The following DLGAP4 variants were observed in gnomAD, a reference collection of about 807,000 sequenced individuals.
The protein encoded by DLGAP4 is DLG associated protein 4, also known as disks large-associated protein 4.
A neutral mutation model predicts 86.9 loss-of-function variants in DLGAP4; 18 were observed. The ratio of observed to expected loss-of-function variants is 0.21; its 90% CI spans 0.14 to 0.31. The LOEUF is 0.31. Among genes scored for constraint, DLGAP4 ranks in the 10% least tolerant of loss-of-function variants. The pLI, the probability that DLGAP4 is intolerant of heterozygous loss-of-function variation, is 1.00. For missense variants in DLGAP4, 1,085 were observed against 1,362.6 expected (o/e 0.80, Z 3.21); for synonymous variants, 548 against 574.3 (o/e 0.95, Z 0.65).
intron 4 of DLGAP4, among the ~76,000 whole-genome samples, chr20:36,436,761 A>C (rs1012082534): frequency 2.0e-5 from 3 of 151,240 alleles, no homozygotes; most frequent in African/African-American, 7.3e-5. Context: ...GATTGCAGTG[A>C]GCCGAGATCG....
At chr20:36,525,727 A>C (rs894872341) in intron 11 of DLGAP4, 124 bp from the exon 12 acceptor site, 1 of 1,287,896 alleles carries the variant, frequency 7.8e-7, no homozygotes, top group African/African-American at 1.5e-5. Context: ...TTACCCAGAC[A>C]CTAGGCCTCA....
intron 7 of DLGAP4, among the ~76,000 whole-genome samples, chr20:36,493,899 A>C (rs771006324): frequency 1.4e-4 from 22 of 152,214 alleles, no homozygotes; most frequent in Non-Finnish European, 5.9e-5. Flanking sequence ...TAAATGACCC[A>C]GCTTTTGGCC....
intron 7 of DLGAP4, among the ~76,000 whole-genome samples, chr20:36,469,708 G>A (rs929784507): frequency 1.3e-5 from 2 of 149,862 alleles, no homozygotes; most frequent in Non-Finnish European, 3.0e-5. Context: ...AGCCGAGATC[G>A]CGCCATTGCA....
At chr20:36,371,436 C>T (rs1318770330) in intron 2 of DLGAP4, among the ~76,000 whole-genome samples, 1 of 152,210 alleles carries the variant, frequency 6.6e-6, no homozygotes, top group African/African-American at 2.4e-5. Flanking sequence ...GGGAAATTAA[C>T]GTGGTGACAT....
At chr20:36,353,545 C>A (rs1555893602) in intron 1 of DLGAP4, among the ~76,000 whole-genome samples, 1 of 152,258 alleles carries the variant, frequency 6.6e-6, no homozygotes, top group Non-Finnish European at 1.5e-5. Flanking sequence ...AGAAGCATTT[C>A]TTGTAAGCAC....
chr20:36,359,582 A>G (rs1427399441), intron 1 of DLGAP4, among the ~76,000 whole-genome samples: 1 of 152,154 alleles, frequency 6.6e-6, no homozygotes, highest in Non-Finnish European at 1.5e-5. Flanking sequence ...AGCCTGAGGC[A>G]AAGGAACTTC....
At chr20:36,325,350 G>A (rs926120337) in intron 1 of DLGAP4, among the ~76,000 whole-genome samples, 2 of 152,284 alleles carry the variant, frequency 1.3e-5, no homozygotes, top group Admixed American at 6.5e-5. Flanking sequence ...CTTCTAAAAT[G>A]TATTGAGACT....
intron 6 of DLGAP4, among the ~76,000 whole-genome samples, chr20:36,444,957 TA>T (rs988153464): frequency 2.0e-5 from 3 of 152,006 alleles, no homozygotes; most frequent in Admixed American, 2.0e-4. Flanking sequence ...TTATTATTAT[TA>T]TTTTTTAATT....
chr20:36,422,142 G>A (rs1362530959), intron 2 of DLGAP4, among the ~76,000 whole-genome samples: 1 of 152,084 alleles, frequency 6.6e-6, no homozygotes, highest in Non-Finnish European at 1.5e-5. Flanking sequence ...GCAAGGCCCT[G>A]GAGGCCCCCA....
chr20:36,458,346 T>A (rs2033934627), intron 7 of DLGAP4, among the ~76,000 whole-genome samples: 4 of 115,578 alleles, frequency 3.5e-5, no homozygotes, highest in Admixed American at 3.2e-4. Flanking sequence ...CCCCATATCT[T>A]TTTTTTTTTT....
intron 7 of DLGAP4, chr20:36,473,193 T>G (rs1020014492): frequency 2.0e-5 from 3 of 152,260 alleles, no homozygotes; most frequent in Non-Finnish European, 2.9e-5. Context: ...GTGCCCTGTC[T>G]TTACCATGAA....
At chr20:36,517,179 G>T (rs1399363829) in intron 10 of DLGAP4, among the ~76,000 whole-genome samples, 2 of 151,802 alleles carry the variant, frequency 1.3e-5, no homozygotes, top group African/African-American at 4.8e-5. Flanking sequence ...AGGAGTTTGA[G>T]ACTAGCCTGG....
intron 1 of DLGAP4, among the ~76,000 whole-genome samples, chr20:36,332,604 G>C (rs991302089): frequency 6.6e-6 from 1 of 152,004 alleles, no homozygotes; most frequent in Middle Eastern, 3.2e-3. Flanking sequence ...TGGTCAGGCT[G>C]GTCTCAAACT....
chr20:36,521,085 G>A (rs1289881615), intron 10 of DLGAP4, among the ~76,000 whole-genome samples: 1 of 152,220 alleles, frequency 6.6e-6, no homozygotes, highest in African/African-American at 2.4e-5. Context: ...CTCCCAAAGT[G>A]CTGGGATTAC....
At chr20:36,502,971 C>T (rs906792088) in intron 10 of DLGAP4, among the ~76,000 whole-genome samples, 16 of 152,086 alleles carry the variant, frequency 1.1e-4, no homozygotes, top group African/African-American at 3.9e-4. Context: ...ATAATCCGCC[C>T]GGCTTGGCTT....
intron 2 of DLGAP4, among the ~76,000 whole-genome samples, chr20:36,420,235 G>T (rs771106702): frequency 1.5e-4 from 23 of 152,184 alleles, no homozygotes; most frequent in Admixed American, 1.3e-3. Flanking sequence ...TGCTGGAGAC[G>T]CAGTGGTGGC....
At chr20:36,390,825 C>A (rs1010048007) in intron 2 of DLGAP4, among the ~76,000 whole-genome samples, 12 of 151,934 alleles carry the variant, frequency 7.9e-5, no homozygotes, top group African/African-American at 2.9e-4. Flanking sequence ...GTCCCTGCCC[C>A]CAGACTGAGC....
chr20:36,384,839 G>A (rs1028983626), intron 2 of DLGAP4, among the ~76,000 whole-genome samples: 2 of 152,192 alleles, frequency 1.3e-5, no homozygotes, highest in African/African-American at 4.8e-5. Context: ...CCCATTTACT[G>A]TGTACCTACT....
At chr20:36,472,096 G>A (rs538583217) in intron 7 of DLGAP4, among the ~76,000 whole-genome samples, 9 of 152,144 alleles carry the variant, frequency 5.9e-5, no homozygotes, top group Admixed American at 2.0e-4. Flanking sequence ...GCCCAAAAAG[G>A]CTCCCCCAGC....
Sources: gnomAD v4.1 joint callset for allele counts (sites outside exome capture counted in the v4.1 genomes callset) on GRCh38, gnomAD v4.1.1 for gene constraint, MANE v1.5 for transcripts, NCBI Gene and HGNC (gene_info 2026-07-23, HGNC 2026-07-21) for gene names.